The following FGGY variants were observed in gnomAD, a reference collection of about 807,000 sequenced individuals.
FGGY encodes FGGY carbohydrate kinase domain containing, also known as FGGY carbohydrate kinase domain-containing protein.
FGGY carries 72 observed loss-of-function variants against 71.3 expected under a neutral mutation model. The observed-to-expected ratio is 1.01, with a 90% CI of 0.84 to 1.23. The LOEUF (loss-of-function observed/expected upper bound fraction) is 1.23. Among genes scored for constraint, FGGY ranks in the 50% most tolerant of loss-of-function variants. The probability of loss-of-function intolerance (pLI) is 0.00; values close to 1 mark genes in which losing one functional copy is unlikely to be tolerated. For missense variants in FGGY, 668 were observed against 682.3 expected, an observed-to-expected ratio of 0.98 and a Z score of 0.23; for synonymous variants, 251 against 250.3, an observed-to-expected ratio of 1.00 and a Z score of -0.02.
intron 15 of FGGY, among the ~76,000 whole-genome samples, chr1:59,760,788 G>A (rs974371972): frequency 6.6e-6 from 1 of 152,216 alleles, no homozygotes; most frequent in Non-Finnish European, 1.5e-5. Flanking sequence ...TAAATCAAGT[G>A]TGTGTGAAGG....
At chr1:59,554,578 CAA>C (rs1388210168) in intron 8 of FGGY, among the ~76,000 whole-genome samples, 5 of 152,264 alleles carry the variant, frequency 3.3e-5, no homozygotes, top group African/African-American at 9.6e-5. Context: ...GTCTTCTCGG[CAA>C]AGAGTGTCTG....
intron 5 of FGGY, among the ~76,000 whole-genome samples, chr1:59,429,862 T>C (rs6587854): frequency 0.63 from 95,504 of 152,090 alleles, 30,108 homozygotes; most frequent in African/African-American, 0.67. Flanking sequence ...GTGCAGATTT[T>C]GTTACACCCT....
rs185957753 is a variant in FGGY at position 59,443,380 on chromosome 1, A to G, written c.555-13581A>G. Among the ~76,000 whole-genome samples, 1,390 of 152,318 alleles carry G rather than the reference A, an allele frequency of 9.1e-3. 12 individuals carry two copies. Among genetic ancestry groups the G allele is most frequent in the Non-Finnish European group, 0.014 (958 of 68,032 alleles). Reference sequence around the variant, plus strand: ...CATCCTTTGCCAGGAATTGTACATTATCTCTTTAAGGCAGAGCAGCCTTGG... The same window carrying G: ...CATCCTTTGCCAGGAATTGTACATTGTCTCTTTAAGGCAGAGCAGCCTTGG... On this transcript the variant is annotated intron_variant, in intron 5 of 15. Transcript: ENST00000303721.
intron 4 of FGGY, among the ~76,000 whole-genome samples, chr1:59,364,542 A>G (rs2056227832): frequency 6.6e-6 from 1 of 152,230 alleles, no homozygotes; most frequent in African/African-American, 2.4e-5. Flanking sequence ...ATTAGCTAAC[A>G]TGACTCATCA....
intron 14 of FGGY, among the ~76,000 whole-genome samples, chr1:59,754,362 TTCCTCAGGAA>T (rs562186738): frequency 2.2e-4 from 33 of 152,154 alleles, no homozygotes; most frequent in African/African-American, 8.0e-4. Context: ...CTTCTCTTAA[TTCCTCAGGAA>T]TCCTTTCCTT....
At chr1:59,594,591 TG>T (rs571743775) in intron 8 of FGGY, among the ~76,000 whole-genome samples, 1 of 152,316 alleles carries the variant, frequency 6.6e-6, no homozygotes, top group Non-Finnish European at 1.5e-5. Flanking sequence ...GCACTAGGCA[TG>T]GAGGGGTGCT....
chr1:59,631,128 T>C (rs1384489974), intron 10 of FGGY, among the ~76,000 whole-genome samples: 1 of 152,192 alleles, frequency 6.6e-6, no homozygotes, highest in East Asian at 1.9e-4. Flanking sequence ...TTTAACATTC[T>C]CTTTCCTTGA....
chr1:59,358,760 T>C (rs1243205981), intron 4 of FGGY, among the ~76,000 whole-genome samples: 2 of 152,246 alleles, frequency 1.3e-5, no homozygotes, highest in Non-Finnish European at 2.9e-5. Flanking sequence ...TTAGTTAAGA[T>C]ATTGACTTTG....
chr1:59,350,015 G>A (rs975815607), intron 4 of FGGY, among the ~76,000 whole-genome samples: 10 of 151,622 alleles, frequency 6.6e-5, no homozygotes, highest in Admixed American at 6.5e-4. Flanking sequence ...CCACTTTTGG[G>A]GAATCAGGGA....
chr1:59,472,231 C>G (rs949047111), intron 6 of FGGY, among the ~76,000 whole-genome samples: 1 of 152,168 alleles, frequency 6.6e-6, no homozygotes, highest in Non-Finnish European at 1.5e-5. Context: ...AGCGGTCGGC[C>G]GGCTCCACCG....
At chr1:59,314,951 A>G (rs1056870023) in intron 1 of FGGY, among the ~76,000 whole-genome samples, 8 of 152,042 alleles carry the variant, frequency 5.3e-5, no homozygotes, top group African/African-American at 1.4e-4. Flanking sequence ...CTCATGTTCT[A>G]TGGTGTCTGG....
rs771435994 is a variant in FGGY at position 59,638,250 on chromosome 1, T to G, written c.1096T>G (p.Leu366Val). Residue 366 changes from leucine to valine, a missense_variant, in exon 11 of 16, where the codon TTG (leucine) becomes GTG (valine). By Grantham distance (32) the Leu-to-Val change is conservative. Coordinates refer to ENST00000303721, the MANE Select transcript of FGGY (RefSeq NM_018291.5). ...CAGATGCCAGAGTATATATGCATAT[T>G]TGAACAGTCACCTGGATCTGATTAA... ...TARCQSIYAY[L>V]NSHLDLIKKA... 6.2e-6 allele frequency: 10 copies of G among 1,614,052 alleles called. No homozygotes were observed. The African/African-American group carries it at 9.3e-5, about 15-fold the overall frequency.
chr1:59,343,638 A>G (rs923726939), intron 3 of FGGY, among the ~76,000 whole-genome samples: 4 of 152,162 alleles, frequency 2.6e-5, no homozygotes, highest in Non-Finnish European at 5.9e-5. Flanking sequence ...CTAGCATCCA[A>G]CACTGTGCTT....
At chr1:59,352,516 G>A (rs575747574) in intron 4 of FGGY, among the ~76,000 whole-genome samples, 1 of 152,274 alleles carries the variant, frequency 6.6e-6, no homozygotes, top group Admixed American at 6.5e-5. Flanking sequence ...TCTCTCCCCT[G>A]TCTGTGCCCC....
intron 5 of FGGY, among the ~76,000 whole-genome samples, chr1:59,382,435 G>T (rs2059580653): frequency 6.6e-6 from 1 of 152,132 alleles, no homozygotes; most frequent in Non-Finnish European, 1.5e-5. Flanking sequence ...TGTGAAAATG[G>T]CCTCTGCAAA....
At chr1:59,638,430 G>A in intron 11 of FGGY, 55 bp downstream of exon 11, 1 of 1,585,050 alleles carries the variant, frequency 6.3e-7, no homozygotes, top group Non-Finnish European at 8.6e-7. Flanking sequence ...GGGCTACAAA[G>A]TTTGGAAGAA....
At chr1:59,655,772 A>G (rs1246116203) in intron 11 of FGGY, among the ~76,000 whole-genome samples, 1 of 152,220 alleles carries the variant, frequency 6.6e-6, no homozygotes, top group Non-Finnish European at 1.5e-5. Flanking sequence ...TTCACTTTGC[A>G]AATGATACCT....
intron 5 of FGGY, among the ~76,000 whole-genome samples, chr1:59,454,277 T>C (rs2091470018): frequency 6.6e-6 from 1 of 152,198 alleles, no homozygotes; most frequent in Admixed American, 6.5e-5. Flanking sequence ...TACTGCCTTT[T>C]GCTCCCTAAT....
intron 15 of FGGY, among the ~76,000 whole-genome samples, chr1:59,760,319 A>G (rs138091276): frequency 2.2e-4 from 33 of 152,364 alleles, no homozygotes; most frequent in African/African-American, 7.9e-4. Context: ...ATGTGGAGAA[A>G]TTGGAAGCTC....
Sources: gnomAD v4.1 joint callset for allele counts (sites outside exome capture counted in the v4.1 genomes callset) on GRCh38, gnomAD v4.1.1 for gene constraint, MANE v1.5 for transcripts, NCBI Gene and HGNC (gene_info 2026-07-23, HGNC 2026-07-21) for gene names.